The following AUTS2 variants were observed in gnomAD, a reference collection of about 807,000 sequenced individuals.
AUTS2 encodes the protein activator of transcription and developmental regulator AUTS2, also known as autism susceptibility gene 2 protein.
Under a neutral mutation model 112.4 loss-of-function variants are expected in AUTS2, and 17 were observed. The ratio of observed to expected loss-of-function variants is 0.15; its 90% CI spans 0.10 to 0.23. The LOEUF is 0.23. Among genes scored for constraint, AUTS2 ranks in the 10% least tolerant of loss-of-function variants. AUTS2 has a pLI of 1.00. For synonymous variants in AUTS2, 751 were observed against 702.7 expected (o/e 1.07, Z -1.09); for missense variants, 1,510 against 1,701.6 (o/e 0.89, Z 1.98).
intron 4 of AUTS2, among the ~76,000 whole-genome samples, chr7:70,297,950 A>G (rs1000110334): frequency 3.3e-5 from 5 of 152,236 alleles, no homozygotes; most frequent in Admixed American, 1.3e-4. Context: ...AATTGAGGGT[A>G]GAACCTCCTT....
chr7:70,581,245 G>A (rs1307707316), intron 5 of AUTS2, among the ~76,000 whole-genome samples: 2 of 152,134 alleles, frequency 1.3e-5, no homozygotes, highest in Non-Finnish European at 2.9e-5. Flanking sequence ...AATTTGCCGG[G>A]CATGGTGGCT....
intron 4 of AUTS2, among the ~76,000 whole-genome samples, chr7:70,138,492 C>G (rs1477539606): frequency 6.6e-6 from 1 of 152,206 alleles, no homozygotes; most frequent in Non-Finnish European, 1.5e-5. Context: ...TCTGCCTTCT[C>G]TGGATAATTT....
At chr7:69,900,635 G>T (rs180910722) in intron 2 of AUTS2, among the ~76,000 whole-genome samples, 95 of 152,316 alleles carry the variant, frequency 6.2e-4, no homozygotes, top group African/African-American at 2.1e-3. Flanking sequence ...ATGGTTTTTA[G>T]TTAAAAGATT....
At chr7:69,725,291 C>G (rs893948760) in intron 1 of AUTS2, among the ~76,000 whole-genome samples, 6 of 152,210 alleles carry the variant, frequency 3.9e-5, no homozygotes, top group Middle Eastern at 3.4e-3. Context: ...ATGGAGCCCA[C>G]TTGAATCAAA....
At chr7:70,063,269 T>C (rs1802339025) in intron 2 of AUTS2, among the ~76,000 whole-genome samples, 2 of 151,968 alleles carry the variant, frequency 1.3e-5, no homozygotes, top group Admixed American at 1.3e-4. Context: ...TTGTTTTTTT[T>C]TTTTTCCTTC....
At chr7:70,775,514 G>C (rs1790628528) in intron 13 of AUTS2, 128 bp downstream of exon 13, 1 of 751,686 alleles carries the variant, frequency 1.3e-6, no homozygotes, top group Admixed American at 2.8e-5. Flanking sequence ...GACGGTGATT[G>C]GGTTTTTCAG....
At chr7:70,458,898 C>A (rs777237555) in intron 5 of AUTS2, among the ~76,000 whole-genome samples, 1 of 152,190 alleles carries the variant, frequency 6.6e-6, no homozygotes, top group Non-Finnish European at 1.5e-5. Flanking sequence ...TCCATCCACA[C>A]GGGAGACACT....
chr7:69,711,453 C>A (rs918795024), intron 1 of AUTS2, among the ~76,000 whole-genome samples: 7 of 152,062 alleles, frequency 4.6e-5, no homozygotes, highest in Non-Finnish European at 1.5e-5. Flanking sequence ...ACATTATTTT[C>A]TTTATTGGGC....
At chr7:70,731,274 A>G (rs931971462) in intron 6 of AUTS2, among the ~76,000 whole-genome samples, 1 of 149,334 alleles carries the variant, frequency 6.7e-6, no homozygotes, top group African/African-American at 2.4e-5. Context: ...ATTTTATTTC[A>G]CCTTTTAGTG....
At position 69,689,852 on chromosome 7, in the gene AUTS2, AT is replaced by A. The variant is rs748540277; in HGVS notation, c.309+89905del. Among the ~76,000 whole-genome samples the A allele has an allele frequency of 3.5e-3, 406 of 116,106 alleles. 1 individual carries two copies. The highest frequency in any genetic ancestry group is 8.8e-3 in the East Asian group (35 of 3,996). The allele number at this position is 116,106 out of a possible 152,430, so 76.2% of individuals were successfully genotyped here. A position where few individuals can be genotyped will look rare whatever the true frequency, so the allele number is the denominator to read the frequency against. On this transcript the variant is annotated intron_variant, in intron 1 of 18. Coordinates refer to ENST00000342771, the MANE Select transcript of AUTS2 (RefSeq NM_015570.4). ...GCCACCATGCCCGGCTTAATTTTGTATTTTTTTTTTTTTTTCAGTAGAGATG... is the reference window on the plus strand; with the variant it reads ...GCCACCATGCCCGGCTTAATTTTGTATTTTTTTTTTTTTTCAGTAGAGATG...
At chr7:70,239,251 C>T (rs1177398044) in intron 4 of AUTS2, among the ~76,000 whole-genome samples, 4 of 152,160 alleles carry the variant, frequency 2.6e-5, no homozygotes, top group Admixed American at 2.6e-4. Context: ...TCAGGTCTCT[C>T]TGGCTGCTTC....
intron 1 of AUTS2, among the ~76,000 whole-genome samples, chr7:69,818,313 G>C (rs1790848232): frequency 6.6e-6 from 1 of 152,194 alleles, no homozygotes; most frequent in Non-Finnish European, 1.5e-5. Context: ...CCAGCCAAGA[G>C]AGTTGTAGGA....
At chr7:70,105,183 G>T (rs1804702695) in intron 2 of AUTS2, among the ~76,000 whole-genome samples, 1 of 152,086 alleles carries the variant, frequency 6.6e-6, no homozygotes, top group African/African-American at 2.4e-5. Context: ...TTATTTGTCT[G>T]TAAATTGGGA....
At chr7:70,455,592 A>G (rs1279108748) in intron 5 of AUTS2, among the ~76,000 whole-genome samples, 1 of 152,118 alleles carries the variant, frequency 6.6e-6, no homozygotes, top group Non-Finnish European at 1.5e-5. Flanking sequence ...CTGTGCTCAG[A>G]GAGGCACTTT....
chr7:70,784,489 GC>G (rs1791300407), intron 15 of AUTS2: 1 of 155,400 alleles, frequency 6.4e-6, no homozygotes, highest in South Asian at 2.0e-4. Flanking sequence ...GAACGAAGGA[GC>G]CTATAAGCTT....
At chr7:69,861,556 G>A (rs1267490056) in intron 1 of AUTS2, among the ~76,000 whole-genome samples, 1 of 152,118 alleles carries the variant, frequency 6.6e-6, no homozygotes, top group East Asian at 1.9e-4. Flanking sequence ...GAGATAAAAG[G>A]CTTGCAGGTT....
intron 1 of AUTS2, among the ~76,000 whole-genome samples, chr7:69,812,956 C>A (rs1775548558): frequency 6.6e-6 from 1 of 152,026 alleles, no homozygotes; most frequent in African/African-American, 2.4e-5. Context: ...CCAGAGTGGC[C>A]CTTTTAAAAT....
chr7:69,832,011 G>A (rs1171494561), intron 1 of AUTS2, among the ~76,000 whole-genome samples: 1 of 152,126 alleles, frequency 6.6e-6, no homozygotes, highest in African/African-American at 2.4e-5. Flanking sequence ...TTAGTATTTT[G>A]TGTGACATTT....
intron 1 of AUTS2, among the ~76,000 whole-genome samples, chr7:69,791,967 G>T (rs988876313): frequency 6.6e-6 from 1 of 152,136 alleles, no homozygotes; most frequent in African/African-American, 2.4e-5. Context: ...AGTCCTCCTG[G>T]AGTAGGAGGC....
Sources: gnomAD v4.1 joint callset for allele counts (sites outside exome capture counted in the v4.1 genomes callset) on GRCh38, gnomAD v4.1.1 for gene constraint, MANE v1.5 for transcripts, NCBI Gene and HGNC (gene_info 2026-07-23, HGNC 2026-07-21) for gene names.